Variants in PCDHGA3 observed in about 807,000 individuals in gnomAD.
PCDHGA3 encodes the protein protocadherin gamma-A3.
PCDHGA3 carries 40 observed loss-of-function variants against 58.5 expected under a neutral mutation model. That is an observed-to-expected ratio of 0.68 (90% CI 0.53 to 0.89). The LOEUF is 0.89. Among genes scored for constraint, PCDHGA3 ranks in the 40% least tolerant of loss-of-function variants. The pLI, the probability that PCDHGA3 is intolerant of heterozygous loss-of-function variation, is 0.00. For synonymous variants in PCDHGA3, 530 were observed against 525.7 expected, an observed-to-expected ratio of 1.01 and a Z score of -0.11; for missense variants, 1,223 against 1,195.9, an observed-to-expected ratio of 1.02 and a Z score of -0.33.
chr5:141,402,197 A>G (rs1346156119), intron 1 of PCDHGA3, among the ~76,000 whole-genome samples: 5 of 152,132 alleles, frequency 3.3e-5, no homozygotes, highest in Non-Finnish European at 5.9e-5. Context: ...TATTACTTTT[A>G]TAATACAAAA....
chr5:141,380,372 C>T lies in PCDHGA3; in HGVS notation c.2424+33915C>T, dbSNP rs73265858. On this transcript the variant is annotated intron_variant, in intron 1 of 3. Transcript: ENST00000253812. ...TTGTTTGTTTTTTAGAAAAAAAAGT[C>T]CCAAAAAAGAAAAGAGAGAAGATAA... 8.4e-3 allele frequency among the ~76,000 whole-genome samples: 1,279 copies of T among 152,058 alleles called. 17 individuals are homozygous for T. Among genetic ancestry groups the T allele is most frequent in the African/African-American group, 0.029 (1,214 of 41,474 alleles).
intron 1 of PCDHGA3, chr5:141,478,023 A>G (rs2099428714): frequency 6.2e-7 from 1 of 1,614,112 alleles, no homozygotes; most frequent in South Asian, 1.1e-5. Flanking sequence ...CCAGTCCAAG[A>G]CACAGATTCA....
In PCDHGA3 at chr5:141,487,822, G is replaced by T. The variant is rs1406642768; in HGVS notation, c.2425-6985G>T. ...TGTCACAGTTTAGCATTGGGGGCGG[G>T]TCATGCCTATATCTGAGTAAGAAAT... On this transcript the variant is annotated intron_variant, in intron 1 of 3. Coordinates refer to ENST00000253812, the MANE Select transcript of PCDHGA3 (RefSeq NM_018916.4). This position sits in a 1 kb window ranked among gnomAD's most constrained non-coding sequence, Gnocchi z 5.0. The T allele has an allele frequency of 3.1e-6, 4 of 1,278,640 alleles. No homozygotes were observed. The East Asian group carries it at 7.6e-5, about 24-fold the overall frequency. 79.2% of individuals were successfully genotyped at this position (1,278,640 alleles called of 1,614,324 possible). A position where few individuals can be genotyped will look rare whatever the true frequency, so the allele number is the denominator to read the frequency against.
chr5:141,354,085 T>C (rs1026481985), intron 1 of PCDHGA3, among the ~76,000 whole-genome samples: 1 of 152,246 alleles, frequency 6.6e-6, no homozygotes, highest in South Asian at 2.1e-4. Flanking sequence ...CATTTCCTTT[T>C]ACTGGCTATT....
chr5:141,491,659 G>A lies in PCDHGA3; in HGVS notation c.2425-3148G>A. On this transcript the variant is annotated intron_variant, in intron 1 of 3. Transcript: ENST00000253812. This position sits in a 1 kb window ranked among gnomAD's most constrained non-coding sequence, Gnocchi z 6.9. ...CACAGCTCTGGCGCTGGAGCCTGACGCCATCCGGTCCCGCTCTAATACGCT... is the reference window on the plus strand; with the variant it reads ...CACAGCTCTGGCGCTGGAGCCTGACACCATCCGGTCCCGCTCTAATACGCT... 6.2e-7 allele frequency: 1 copy of A among 1,613,766 alleles called. No homozygotes were observed. The highest frequency in any genetic ancestry group is 8.5e-7 in the Non-Finnish European group (1 of 1,180,004).
At chr5:141,429,169 T>TACATACACACACACACAC (rs369570830) in intron 1 of PCDHGA3, 115 of 145,474 alleles carry the variant, frequency 7.9e-4, no homozygotes, top group African/African-American at 2.1e-3. Flanking sequence ...ACATTGTTTA[T>TACATACACACACACACAC]ACACACACAC....
chr5:141,395,152 T>C (rs1324313583), intron 1 of PCDHGA3: 1 of 1,614,196 alleles, frequency 6.2e-7, no homozygotes, highest in African/African-American at 1.3e-5. Context: ...GACATGCTCA[T>C]CAGTCAGGAG....
At chr5:141,351,598 T>C in intron 1 of PCDHGA3, 1 of 1,614,046 alleles carries the variant, frequency 6.2e-7, no homozygotes. Flanking sequence ...ACAATGCACC[T>C]GTTTTCCATC....
intron 1 of PCDHGA3, among the ~76,000 whole-genome samples, chr5:141,481,293 TC>T (rs2099535148): frequency 6.6e-6 from 1 of 152,174 alleles, no homozygotes; most frequent in South Asian, 2.1e-4. Context: ...ATTTCAGTCA[TC>T]TAAGGGAAAA....
rs753353256 is a variant in PCDHGA3 at position 141,344,925 on chromosome 5, A to G, written c.892A>G (p.Ser298Gly). ...TGAGATTTTCCATCTTAACTCAGTGAGTGGAGAAGTATCAATATTAAAAAG... is the reference window on the plus strand; with the variant it reads ...TGAGATTTTCCATCTTAACTCAGTGGGTGGAGAAGTATCAATATTAAAAAG... ...IAEIFHLNSV[S>G]GEVSILKSLD... The change falls in exon 1 of 4, where the codon AGT (serine) becomes GGT (glycine). Residue 298 changes from serine to glycine, a missense_variant. Physicochemically the swap from Ser to Gly is moderately conservative, Grantham distance 56. Around this residue, in one of 3 missense-constraint regions of PCDHGA3, gnomAD observed 791 missense variants for 708.5 expected, o/e 1.12. Transcript: ENST00000253812. The G allele has an allele frequency of 9.9e-6, 16 of 1,613,834 alleles. No homozygotes were observed. In the Admixed American group the frequency reaches 2.3e-4, roughly 24 times the overall value.
intron 1 of PCDHGA3, chr5:141,405,157 G>T: frequency 6.2e-7 from 1 of 1,614,072 alleles, no homozygotes. Context: ...TGGCTGGTGT[G>T]CCCACCTCAC....
intron 1 of PCDHGA3, chr5:141,350,961 A>G: frequency 6.2e-7 from 1 of 1,614,080 alleles, no homozygotes; most frequent in Non-Finnish European, 8.5e-7. Context: ...GATGCCAATG[A>G]TAATGCTCCC....
chr5:141,376,417 G>A (rs750081761), intron 1 of PCDHGA3: 30 of 1,614,148 alleles, frequency 1.9e-5, no homozygotes, highest in Non-Finnish European at 2.5e-5. Context: ...ATGCCGACAC[G>A]CTTATCAACC....
intron 1 of PCDHGA3, chr5:141,357,807 T>C: frequency 2.6e-6 from 2 of 772,824 alleles, no homozygotes; most frequent in Non-Finnish European, 4.0e-6. Flanking sequence ...AAATGTTGTT[T>C]ATTACTTATC....
chr5:141,386,009 G>T (rs956571005), intron 1 of PCDHGA3: 7 of 152,222 alleles, frequency 4.6e-5, no homozygotes, highest in Non-Finnish European at 8.8e-5. Context: ...CATTTTAAGT[G>T]TTGTAATTGG....
chr5:141,357,386 G>A, intron 1 of PCDHGA3: 1 of 1,614,234 alleles, frequency 6.2e-7, no homozygotes, highest in Non-Finnish European at 8.5e-7. Flanking sequence ...CACGCTGAAG[G>A]CAGCAGGTTG....
chr5:141,351,746 G>A, intron 1 of PCDHGA3: 2 of 1,613,680 alleles, frequency 1.2e-6, no homozygotes, highest in Non-Finnish European at 1.7e-6. Flanking sequence ...GGAGCCGCGG[G>A]AGCTGTTGTC....
chr5:141,344,553 C>A lies in PCDHGA3; in HGVS notation c.520C>A (p.Pro174Thr), dbSNP rs1401473342. 6 of 1,613,858 alleles carry A rather than the reference C, an allele frequency of 3.7e-6. No individual in the cohort carries two copies. The highest frequency in any genetic ancestry group is 1.3e-5 in the African/African-American group (1 of 74,906). The part of the protein sequence containing the change: ...INSLQNYKLS[P>T]NDYFSLAVNS... ...CTCCCTGCAGAACTACAAGCTTAGC[C>A]CCAATGACTACTTCTCTCTGGCTGT... The change falls in exon 1 of 4, where the codon CCC (proline) becomes ACC (threonine). Residue 174 changes from proline (P) to threonine (T), a missense_variant. Physicochemically the swap from Pro to Thr is conservative, Grantham distance 38. Transcript: ENST00000253812.
chr5:141,410,779 T>C, intron 1 of PCDHGA3: 4 of 947,572 alleles, frequency 4.2e-6, no homozygotes, highest in Non-Finnish European at 6.0e-6. Flanking sequence ...TTTCACTATG[T>C]ATTTGGTTCA....
Sources: gnomAD v4.1 joint callset for allele counts (sites outside exome capture counted in the v4.1 genomes callset) on GRCh38, gnomAD v4.1.1 for gene constraint, gnomAD v4.1.1 regional missense constraint, Gnocchi (gnomAD v3.1) non-coding constraint, MANE v1.5 for transcripts, NCBI Gene and HGNC (gene_info 2026-07-23, HGNC 2026-07-21) for gene names.